Variants in PMS2 observed in about 807,000 individuals in gnomAD.
PMS2 encodes mismatch repair endonuclease PMS2.
In PMS2, 69 loss-of-function variants were observed where a neutral mutation model predicts 90.0. The observed-to-expected ratio is 0.77, with a 90% CI of 0.63 to 0.94. PMS2 has a LOEUF of 0.94. PMS2 is among the 40% of genes least tolerant of loss of function. The probability of loss-of-function intolerance (pLI) is 0.00; values close to 1 mark genes in which losing one functional copy is unlikely to be tolerated. For synonymous variants in PMS2, 332 were observed against 375.1 expected (o/e 0.89, Z 1.33); for missense variants, 966 against 1,040.2 (o/e 0.93, Z 0.98).
chr7:6,000,940 G>A (rs1193555682), intron 5 of PMS2, among the ~76,000 whole-genome samples: 4 of 152,058 alleles, frequency 2.6e-5, no homozygotes, highest in Non-Finnish European at 5.9e-5. Context: ...GCAGTGAGCC[G>A]AGATCGCACC....
chr7:6,003,549 G>C (rs1301678011), intron 4 of PMS2, 141 bp downstream of exon 4: 3 of 649,970 alleles, frequency 4.6e-6, no homozygotes, highest in African/African-American at 3.6e-5. Context: ...CTATGACTTA[G>C]ATTGGCAGCG....
intron 13 of PMS2, among the ~76,000 whole-genome samples, chr7:5,978,179 A>C (rs1191058480): frequency 6.6e-6 from 1 of 150,746 alleles, no homozygotes; most frequent in Non-Finnish European, 1.5e-5. Flanking sequence ...TTTTTGGAGG[A>C]ACTTTTTAAT....
chr7:6,009,071 C>G (rs1786278626), upstream of PMS2: 1 of 1,600,172 alleles, frequency 6.2e-7, no homozygotes, highest in Non-Finnish European at 8.6e-7. Context: ...CTCCAGGGCT[C>G]CCACAGGCGC....
At chr7:5,991,470 T>TA (rs72363238) in intron 9 of PMS2, among the ~76,000 whole-genome samples, 3 of 150,940 alleles carry the variant, frequency 2.0e-5, no homozygotes, top group East Asian at 3.9e-4. Context: ...TGGTTGACAT[T>TA]AAAAAAAATT....
intron 2 of PMS2, among the ~76,000 whole-genome samples, chr7:6,004,553 T>C (rs1466069539): frequency 4.6e-5 from 7 of 152,160 alleles, no homozygotes; most frequent in Non-Finnish European, 1.0e-4. Flanking sequence ...CTGTCTCTAC[T>C]AAAAATACAA....
At position 5,990,651 on chromosome 7, in the gene PMS2, A is replaced by G. The variant is rs189943480; in HGVS notation, c.989-696T>C. On this transcript the variant is annotated intron_variant, in intron 9 of 14. Coordinates refer to ENST00000265849, the MANE Select transcript of PMS2 (RefSeq NM_000535.7). Reference sequence around the variant, plus strand: ...TTGGTACATCTAGAACACAATACAGAAAAAGCCTTAAAATGATCATATTCA... The same window carrying G: ...TTGGTACATCTAGAACACAATACAGGAAAAGCCTTAAAATGATCATATTCA... 4.6e-5 allele frequency among the ~76,000 whole-genome samples: 7 copies of G among 152,312 alleles called. No homozygotes were observed. The East Asian group carries it at 7.7e-4, about 17-fold the overall frequency.
chr7:5,989,134 G>A (rs184566797), intron 10 of PMS2, among the ~76,000 whole-genome samples: 64 of 152,276 alleles, frequency 4.2e-4, no homozygotes, highest in African/African-American at 1.5e-3. Flanking sequence ...ACAAGCATGA[G>A]CCGCTGCGCC....
intron 12 of PMS2, among the ~76,000 whole-genome samples, chr7:5,979,180 C>A (rs536586756): frequency 8.9e-6 from 1 of 112,386 alleles, no homozygotes; most frequent in Admixed American, 1.0e-4. Flanking sequence ...CCAGCCTGGG[C>A]GACACAACAA....
chr7:6,008,272 C>G (rs1786094134), intron 1 of PMS2, among the ~76,000 whole-genome samples: 1 of 152,098 alleles, frequency 6.6e-6, no homozygotes, highest in African/African-American at 2.4e-5. Context: ...TATTTAAATG[C>G]AGAGAGCAAA....
intron 11 of PMS2, 56 bp from the exon 12 acceptor site, chr7:5,983,047 T>C: frequency 1.3e-6 from 2 of 1,548,092 alleles, no homozygotes; most frequent in South Asian, 2.3e-5. Flanking sequence ...TTTCTGATTA[T>C]GTTATAGAAC....
chr7:5,982,890 G>T lies in PMS2; in HGVS notation c.2108C>A (p.Thr703Lys), dbSNP rs370196722. ...CATCTCGAAGTTATACTTCTCGTCC[G>T]TGGCATGCTGGTCCACTATGAAGAT... Reference protein sequence around the residue: ...EDIFIVDQHATDEKYNFEMLQ... With the variant: ...EDIFIVDQHAKDEKYNFEMLQ... The change falls in exon 12 of 15, where the codon ACG (threonine) becomes AAG (lysine). Residue 703 changes from threonine to lysine, a missense_variant. Transcript: ENST00000265849. 1 of 1,603,320 alleles carries T rather than the reference G, an allele frequency of 6.2e-7. No homozygotes were observed. The highest frequency in any genetic ancestry group is 8.5e-7 in the Non-Finnish European group (1 of 1,174,320).
Position 5,987,525 on chromosome 7 carries a change from C to T in PMS2, c.1240G>A (p.Asp414Asn), listed in dbSNP as rs370752614. ...PSLRTGEEKKDVSISRLREAF... is the reference protein window; with the variant it reads ...PSLRTGEEKKNVSISRLREAF... ...TCTCGCAGTCTGGAAATGGACACGT[C>T]TTTTTTTTCTTCTCCAGTCCTTAAT... The change falls in exon 11 of 15, where the codon GAC becomes AAC. Residue 414 changes from aspartate to asparagine, a missense_variant. By Grantham distance (23) the Asp-to-Asn change is conservative. Around this residue, in one of 2 missense-constraint regions of PMS2, gnomAD observed 871 missense variants for 802.4 expected, o/e 1.09. Transcript: ENST00000265849. 6.2e-7 allele frequency: 1 copy of T among 1,613,998 alleles called. No individual in the cohort carries two copies. Among genetic ancestry groups the T allele is most frequent in the East Asian group, 2.2e-5 (1 of 44,878 alleles).
intron 11 of PMS2, among the ~76,000 whole-genome samples, chr7:5,985,557 CTTT>C (rs898216216): frequency 8.6e-6 from 1 of 115,766 alleles, no homozygotes. Context: ...TTTTCTTTTT[CTTT>C]TTTTTTTTTT....
intron 14 of PMS2, 111 bp downstream of exon 14, chr7:5,977,477 C>T: frequency 2.7e-6 from 2 of 750,872 alleles, no homozygotes; most frequent in Non-Finnish European, 4.6e-6. Context: ...AAAATGACCC[C>T]TGGCAATCAC....
chr7:5,979,410 A>T lies in PMS2; in HGVS notation c.2175-714T>A, dbSNP rs1333834315. On this transcript the variant is annotated intron_variant, in intron 12 of 14. Coordinates refer to ENST00000265849, the MANE Select transcript of PMS2 (RefSeq NM_000535.7). ...TGTCTCAAAAAAAAAAAAAAAGTTC[A>T]AGTAGCTACAAAAGTAGTTTGCTTT... Among the ~76,000 whole-genome samples, 149 of 148,390 alleles carry T rather than the reference A, an allele frequency of 1.0e-3. 1 individual carries two copies. Among genetic ancestry groups the T allele is most frequent in the Admixed American group, 8.8e-3 (132 of 14,974 alleles).
At chr7:5,987,733 G>T in intron 10 of PMS2, 113 bp from the exon 11 acceptor site, 2 of 1,017,554 alleles carry the variant, frequency 2.0e-6, no homozygotes, top group Non-Finnish European at 3.1e-6. Flanking sequence ...TAATTACACA[G>T]ATGAACACAG....
At chr7:5,983,119 T>C in intron 11 of PMS2, 128 bp from the exon 12 acceptor site, 1 of 1,380,628 alleles carries the variant, frequency 7.2e-7, no homozygotes, top group Non-Finnish European at 9.8e-7. Flanking sequence ...CCATCCCGCT[T>C]TCTTTTTTTT....
At chr7:5,982,362 C>T (rs1386844475) in intron 12 of PMS2, among the ~76,000 whole-genome samples, 9 of 152,230 alleles carry the variant, frequency 5.9e-5, no homozygotes, top group African/African-American at 9.6e-5. Context: ...CCCGCCACCA[C>T]GCCTGGCTAA....
rs1064794017 is a variant in PMS2 at position 5,999,170 on chromosome 7, C to A, written c.643G>T (p.Val215Leu). 6.2e-7 allele frequency: 1 copy of A among 1,614,038 alleles called. No individual in the cohort carries two copies. The highest frequency in any genetic ancestry group is 8.5e-7 in the Non-Finnish European group (1 of 1,179,946). The stretch of plus-strand genomic sequence containing the variant: ...ATGCTGGGGCTTCCACCTGTGCATA[C>A]CACAGGCTGTCGTTTTCCTTGTCCA... ...QLGQGKRQPVVCTGGSPSIKE... is the reference protein window; with the variant it reads ...QLGQGKRQPVLCTGGSPSIKE... Residue 215 changes from valine to leucine, a missense_variant, in exon 6 of 15, where the codon GTA becomes TTA. Coordinates refer to ENST00000265849, the MANE Select transcript of PMS2 (RefSeq NM_000535.7).
Sources: allele counts gnomAD v4.1 joint callset (sites outside exome capture counted in the v4.1 genomes callset), GRCh38; gene constraint gnomAD v4.1.1; regional missense constraint gnomAD v4.1.1; transcripts MANE v1.5; gene names NCBI Gene and HGNC (gene_info 2026-07-23, HGNC 2026-07-21).